Variants in NTSR1 observed in about 807,000 individuals in gnomAD.
NTSR1 encodes the protein neurotensin receptor type 1.
In NTSR1, 29 loss-of-function variants were observed where a neutral mutation model predicts 31.2. That is an observed-to-expected ratio of 0.93 (90% CI 0.69 to 1.27). The LOEUF (loss-of-function observed/expected upper bound fraction) is 1.27, where lower values mean the gene tolerates loss of function less well. Among genes scored for constraint, NTSR1 ranks in the 50% most tolerant of loss-of-function variants. NTSR1 has a pLI of 0.00. For missense variants in NTSR1, 697 were observed against 595.4 expected (o/e 1.17, Z -1.78); for synonymous variants, 282 against 269.9 (o/e 1.04, Z -0.44).
At chr20:62,724,329 G>T (rs2147135480) in intron 1 of NTSR1, among the ~76,000 whole-genome samples, 1 of 152,306 alleles carries the variant, frequency 6.6e-6, no homozygotes, top group South Asian at 2.1e-4. Flanking sequence ...CTGGAAGCAT[G>T]CTTCTAACCA....
chr20:62,741,442 G>A lies in NTSR1; in HGVS notation c.715-13243G>A, dbSNP rs2147142798. ...ACTCACCAGCCCCGCTCAGAGGACG[G>A]GTCTGCAGGTGGCCAGAGTTCTCCT... On this transcript the variant is annotated intron_variant, in intron 1 of 3. Coordinates refer to ENST00000370501, the MANE Select transcript of NTSR1 (RefSeq NM_002531.3). The surrounding 1 kb of genome is among the most constrained non-coding windows in gnomAD (Gnocchi z 4.3). Among the ~76,000 whole-genome samples the A allele has an allele frequency of 6.7e-6, 1 of 149,776 alleles. No homozygotes were observed. Among genetic ancestry groups the A allele is most frequent in the East Asian group, 2.3e-4 (1 of 4,434 alleles).
intron 1 of NTSR1, among the ~76,000 whole-genome samples, chr20:62,726,309 G>A (rs1159404996): frequency 2.6e-5 from 4 of 152,204 alleles, no homozygotes; most frequent in Non-Finnish European, 5.9e-5. Context: ...CCGGCAGATC[G>A]GCCTGCGTCT....
Position 62,709,376 on chromosome 20 carries a change from A to T in NTSR1, c.169A>T (p.Asn57Tyr). The T allele has an allele frequency of 6.2e-7, 1 of 1,609,352 alleles. No individual in the cohort carries two copies. Among genetic ancestry groups the T allele is most frequent in the Non-Finnish European group, 8.5e-7 (1 of 1,177,460 alleles). The change falls in exon 1 of 4, where the codon AAC becomes TAC. Residue 57 changes from asparagine (N) to tyrosine (Y), a missense_variant. Physicochemically the swap from Asn to Tyr is moderately radical, Grantham distance 143 (BLOSUM62 -2). Transcript: ENST00000370501. ...LAAPSSELDV[N>Y]TDIYSKVLVT... ...GGCACCCAGCAGCGAGCTGGACGTGAACACCGACATCTACTCCAAGGTGCT... is the reference window on the plus strand; with the variant it reads ...GGCACCCAGCAGCGAGCTGGACGTGTACACCGACATCTACTCCAAGGTGCT...
At position 62,733,151 on chromosome 20, in the gene NTSR1, G is replaced by C. The variant is rs557243940; in HGVS notation, c.715-21534G>C. On this transcript the variant is annotated intron_variant, in intron 1 of 3. Coordinates refer to ENST00000370501, the MANE Select transcript of NTSR1 (RefSeq NM_002531.3). The surrounding 1 kb of genome is among the most constrained non-coding windows in gnomAD (Gnocchi z 5.2). ...AATTCTGAGTGAAGTAAATGTCATC[G>C]GCAGTGTGTAGACGTTCTTTCGGAA... 1 of 145,612 alleles carries C rather than the reference G, an allele frequency of 6.9e-6. No homozygotes were observed. The highest frequency in any genetic ancestry group is 1.5e-5 in the Non-Finnish European group (1 of 65,958). 9.0% of individuals were successfully genotyped at this position (145,612 alleles called of 1,614,324 possible).
chr20:62,723,778 C>T (rs1003625993), intron 1 of NTSR1, among the ~76,000 whole-genome samples: 1 of 152,230 alleles, frequency 6.6e-6, no homozygotes, highest in Admixed American at 6.5e-5. Context: ...AGGGAGCCCC[C>T]AAGCACGGGG....
At position 62,714,567 on chromosome 20, in the gene NTSR1, C is replaced by T. The variant is rs750524958; in HGVS notation, c.714+4646C>T. 2.0e-5 allele frequency among the ~76,000 whole-genome samples: 3 copies of T among 152,144 alleles called. No homozygotes were observed. The highest frequency in any genetic ancestry group is 1.3e-4 in the Admixed American group (2 of 15,270). On this transcript the variant is annotated intron_variant, in intron 1 of 3. Coordinates refer to ENST00000370501, the MANE Select transcript of NTSR1 (RefSeq NM_002531.3). The surrounding 1 kb of genome is among the most constrained non-coding windows in gnomAD (Gnocchi z 4.1). ...TAGGTGTGAGGTGAGCCCTGGTGTG[C>T]ACACAGCCTCGTGGCATCCTTGGAG...
At position 62,715,203 on chromosome 20, in the gene NTSR1, T is replaced by C. The variant is rs1988691553; in HGVS notation, c.714+5282T>C. ...ATGAAATCACCGTTCAGATGGTGAC[T>C]CTGAGGCTGTGGGGGGTGAGAGGGC... On this transcript the variant is annotated intron_variant, in intron 1 of 3. Transcript: ENST00000370501. The surrounding 1 kb of genome is among the most constrained non-coding windows in gnomAD (Gnocchi z 4.7). Among the ~76,000 whole-genome samples the C allele has an allele frequency of 6.6e-6, 1 of 152,204 alleles. No individual in the cohort carries two copies. The highest frequency in any genetic ancestry group is 6.5e-5 in the Admixed American group (1 of 15,288).
In NTSR1 at chr20:62,758,896, C is replaced by T. The variant is rs113841461; in HGVS notation, c.1007+540C>T. 8.4e-3 allele frequency among the ~76,000 whole-genome samples: 1,277 copies of T among 152,288 alleles called. 10 individuals carry two copies. Among genetic ancestry groups the T allele is most frequent in the Non-Finnish European group, 0.014 (930 of 67,996 alleles). ...CCCCTCCCAGAGGAGCCTCACAGGA[C>T]GATATGGGGGCCGATCACAGGGGCA... is the stretch of plus-strand genomic sequence containing the variant. On this transcript the variant is annotated intron_variant, in intron 3 of 3. Transcript: ENST00000370501. The surrounding 1 kb of genome is among the most constrained non-coding windows in gnomAD (Gnocchi z 4.5).
chr20:62,761,857 C>G lies in NTSR1; in HGVS notation c.*1590C>G, dbSNP rs1249691137. 1 of 152,244 alleles carries G rather than the reference C, an allele frequency of 6.6e-6. No homozygotes were observed. Among genetic ancestry groups the G allele is most frequent in the Non-Finnish European group, 1.5e-5 (1 of 68,056 alleles). 9.4% of individuals were successfully genotyped at this position (152,244 alleles called of 1,614,324 possible). A position where few individuals can be genotyped will look rare whatever the true frequency, so the allele number is the denominator to read the frequency against. On this transcript the variant is annotated 3_prime_UTR_variant, in exon 4 of 4. Coordinates refer to ENST00000370501, the MANE Select transcript of NTSR1 (RefSeq NM_002531.3). ...CAAAATCCCTCTCCAACCACAGGACCCTTCGGCTCACCAAGAACAGGGCCC... is the reference window on the plus strand; with the variant it reads ...CAAAATCCCTCTCCAACCACAGGACGCTTCGGCTCACCAAGAACAGGGCCC...
In NTSR1 at chr20:62,761,380, T is replaced by G. The variant is rs1469650884; in HGVS notation, c.*1113T>G. The G allele has an allele frequency of 6.6e-6, 1 of 152,190 alleles. No individual in the cohort carries two copies. Among genetic ancestry groups the G allele is most frequent in the East Asian group, 1.9e-4 (1 of 5,184 alleles). The allele number at this position is 152,190 out of a possible 1,614,324, so 9.4% of individuals were successfully genotyped here. ...AGCCCTGGGCTGAGGCACAGACTCA[T>G]TTGTCACCTTCTGGCGGCGGCAGCC... On this transcript the variant is annotated 3_prime_UTR_variant, in exon 4 of 4. Transcript: ENST00000370501.
At position 62,754,835 on chromosome 20, in the gene NTSR1, G is replaced by A. The variant is rs750175356; in HGVS notation, c.865G>A (p.Ala289Thr). 2 of 1,608,036 alleles carry A rather than the reference G, an allele frequency of 1.2e-6. No individual in the cohort carries two copies. The highest frequency in any genetic ancestry group is 1.1e-5 in the South Asian group (1 of 91,076). ...GGGCGAGCACAGCACATTCAGCATG[G>A]CCATCGAGCCTGGCAGGGTCCAGGC... ...VGGEHSTFSMAIEPGRVQALR... is the reference protein window; with the variant it reads ...VGGEHSTFSMTIEPGRVQALR... Residue 289 changes from alanine to threonine, a missense_variant, in exon 2 of 4, where the codon GCC becomes ACC. Transcript: ENST00000370501.
intron 1 of NTSR1, among the ~76,000 whole-genome samples, chr20:62,739,748 GGCAGGATGT>G (rs1167048163): frequency 1.3e-5 from 2 of 152,278 alleles, no homozygotes; most frequent in Non-Finnish European, 2.9e-5. Flanking sequence ...CGCTGGGAGG[GGCAGGATGT>G]GCCTGATGCC....
Position 62,709,643 on chromosome 20 carries a change from T to C in NTSR1, c.436T>C (p.Phe146Leu). The part of the protein sequence containing the change: ...FGDAGCRGYY[F>L]LRDACTYATA... ...CGACGCCGGCTGCCGCGGCTACTAC[T>C]TCCTGCGCGACGCCTGCACCTACGC... The change falls in exon 1 of 4, where the codon TTC (phenylalanine) becomes CTC (leucine). Residue 146 changes from phenylalanine to leucine, a missense_variant. Physicochemically the swap from Phe to Leu is conservative, Grantham distance 22. Coordinates refer to ENST00000370501, the MANE Select transcript of NTSR1 (RefSeq NM_002531.3). 4.3e-6 allele frequency: 7 copies of C among 1,612,498 alleles called. No homozygotes were observed. Among genetic ancestry groups the C allele is most frequent in the Non-Finnish European group, 5.9e-6 (7 of 1,179,908 alleles).
chr20:62,710,065 T>TG, intron 1 of NTSR1, 144 bp downstream of exon 1: 1 of 704,262 alleles, frequency 1.4e-6, no homozygotes, highest in Non-Finnish European at 2.3e-6. Context: ...TGGGGCAGCT[T>TG]GGGGGCAGCT....
chr20:62,749,666 A>G (rs1989359907), intron 1 of NTSR1, among the ~76,000 whole-genome samples: 1 of 152,202 alleles, frequency 6.6e-6, no homozygotes, highest in Non-Finnish European at 1.5e-5. Context: ...AAGAAGAGCT[A>G]CATATGGCCA....
intron 1 of NTSR1, among the ~76,000 whole-genome samples, chr20:62,722,129 G>A (rs550207686): frequency 2.0e-5 from 3 of 152,108 alleles, no homozygotes; most frequent in African/African-American, 4.8e-5. Flanking sequence ...CTTTGGAGAG[G>A]GTTGATTCTT....
chr20:62,752,905 G>A (rs1600735060), intron 1 of NTSR1, among the ~76,000 whole-genome samples: 3 of 151,984 alleles, frequency 2.0e-5, no homozygotes, highest in Admixed American at 6.5e-5. Flanking sequence ...GACGCGGGAC[G>A]GCCTCAGATC....
In NTSR1 at chr20:62,711,071, C is replaced by T. The variant is rs964973246; in HGVS notation, c.714+1150C>T. ...CCGGTGGGGGTGAGGGCAGCAGTGC[C>T]GGGCAGGGGGTCACCTGTCTGTCAC... On this transcript the variant is annotated intron_variant, in intron 1 of 3. Coordinates refer to ENST00000370501, the MANE Select transcript of NTSR1 (RefSeq NM_002531.3). This position sits in a 1 kb window ranked among gnomAD's most constrained non-coding sequence, Gnocchi z 6.4. 6.6e-6 allele frequency among the ~76,000 whole-genome samples: 1 copy of T among 152,148 alleles called. No individual in the cohort carries two copies. Among genetic ancestry groups the T allele is most frequent in the African/African-American group, 2.4e-5 (1 of 41,434 alleles).
intron 1 of NTSR1, among the ~76,000 whole-genome samples, chr20:62,740,563 C>T (rs148597965): frequency 2.6e-3 from 402 of 152,278 alleles, no homozygotes; most frequent in African/African-American, 8.7e-3. Flanking sequence ...GTTGTGCCGA[C>T]AGTCTGAGGG....
Sources: gnomAD v4.1 joint callset for allele counts (sites outside exome capture counted in the v4.1 genomes callset) on GRCh38, gnomAD v4.1.1 for gene constraint, Gnocchi (gnomAD v3.1) non-coding constraint, MANE v1.5 for transcripts, NCBI Gene and HGNC (gene_info 2026-07-23, HGNC 2026-07-21) for gene names.